The following XKR6 variants were observed in gnomAD, a reference collection of about 807,000 sequenced individuals.
XKR6 encodes XK-related protein 6.
XKR6 carries 22 observed loss-of-function variants against 56.7 expected under a neutral mutation model. That is an observed-to-expected ratio of 0.39 (90% CI 0.28 to 0.55). XKR6 has a LOEUF of 0.55. Ranked by LOEUF, XKR6 falls within the 20% of genes least tolerant of loss-of-function variation. The pLI, the probability that XKR6 is intolerant of heterozygous loss-of-function variation, is 0.66. For synonymous variants in XKR6, 524 were observed against 387.8 expected, an observed-to-expected ratio of 1.35 and a Z score of -4.13; for missense variants, 852 against 889.0, an observed-to-expected ratio of 0.96 and a Z score of 0.53.
At chr8:11,173,788 C>T (rs1802506950) in intron 1 of XKR6, among the ~76,000 whole-genome samples, 2 of 152,126 alleles carry the variant, frequency 1.3e-5, no homozygotes, top group Admixed American at 6.6e-5. Flanking sequence ...ATGCCACTGC[C>T]GCCTCAAGAG....
intron 1 of XKR6, chr8:11,138,746 T>G (rs575683594): frequency 1.3e-5 from 2 of 152,210 alleles, no homozygotes; most frequent in African/African-American, 4.8e-5. Context: ...AGATTATGAT[T>G]CCTACAGCCA....
chr8:11,195,159 G>A, intron 1 of XKR6: 1 of 703,248 alleles, frequency 1.4e-6, no homozygotes, highest in Non-Finnish European at 2.6e-6. Flanking sequence ...AACCAGGTGA[G>A]GCAACTTCAT....
At chr8:11,088,166 A>G (rs1797954644) in intron 1 of XKR6, among the ~76,000 whole-genome samples, 1 of 152,120 alleles carries the variant, frequency 6.6e-6, no homozygotes, top group Admixed American at 6.5e-5. Flanking sequence ...ACCTTGTAAC[A>G]CTGTGATATC....
At chr8:11,004,287 C>T (rs1024852470) in intron 1 of XKR6, among the ~76,000 whole-genome samples, 10 of 152,116 alleles carry the variant, frequency 6.6e-5, no homozygotes, top group African/African-American at 2.4e-4. Context: ...GCCTGACAAA[C>T]ATGGTGAAAC....
chr8:10,923,885 C>A (rs1464974743), intron 2 of XKR6, among the ~76,000 whole-genome samples: 1 of 152,224 alleles, frequency 6.6e-6, no homozygotes. Context: ...TCAGGAACTT[C>A]TGGGCTGAGT....
In XKR6 at chr8:10,924,602, G is replaced by A. The variant is rs369107658; in HGVS notation, c.961+32C>T. On this transcript the variant is annotated intron_variant, in intron 2 of 2. Transcript: ENST00000416569. Reference sequence around the variant, plus strand: ...GTGGTCCCCAGGTGGAGGGCAGGCCGGGGTGGCGGGGCGCGGCCGGCGGGC... The same window carrying A: ...GTGGTCCCCAGGTGGAGGGCAGGCCAGGGTGGCGGGGCGCGGCCGGCGGGC... 1,859 of 1,582,738 alleles carry A rather than the reference G, an allele frequency of 1.2e-3. 30 individuals carry two copies. The South Asian group carries it at 0.016, about 13-fold the overall frequency.
chr8:11,092,661 T>C (rs571205705), intron 1 of XKR6, among the ~76,000 whole-genome samples: 3 of 152,224 alleles, frequency 2.0e-5, no homozygotes, highest in South Asian at 4.1e-4. Flanking sequence ...AAAGGCTGAG[T>C]AAAGCCCAAA....
chr8:11,016,571 G>T (rs1798628196), intron 1 of XKR6, among the ~76,000 whole-genome samples: 1 of 152,162 alleles, frequency 6.6e-6, no homozygotes. Flanking sequence ...CCCCGTCCGC[G>T]CCCCGACAGC....
At chr8:11,001,446 C>T (rs958212392) in intron 1 of XKR6, among the ~76,000 whole-genome samples, 1 of 152,214 alleles carries the variant, frequency 6.6e-6, no homozygotes, top group Non-Finnish European at 1.5e-5. Flanking sequence ...CACAGCTAGA[C>T]TCTCGAATAT....
chr8:11,165,700 A>T (rs1435336243), intron 1 of XKR6, among the ~76,000 whole-genome samples: 1 of 152,202 alleles, frequency 6.6e-6, no homozygotes, highest in African/African-American at 2.4e-5. Context: ...TCCAGTATCA[A>T]AATGATTCAT....
At chr8:11,092,260 A>G (rs6601558) in intron 1 of XKR6, among the ~76,000 whole-genome samples, 3,752 of 152,296 alleles carry the variant, frequency 0.025, 145 homozygotes, top group African/African-American at 0.084. Flanking sequence ...TTTCACTGCA[A>G]CTCATTGTGC....
intron 1 of XKR6, among the ~76,000 whole-genome samples, chr8:11,078,975 C>G (rs1416199871): frequency 6.6e-6 from 1 of 152,242 alleles, no homozygotes. Context: ...TGGGTCACCT[C>G]AGGACCACTC....
At chr8:11,029,256 C>G (rs1252536134) in intron 1 of XKR6, among the ~76,000 whole-genome samples, 2 of 152,188 alleles carry the variant, frequency 1.3e-5, no homozygotes, top group Non-Finnish European at 2.9e-5. Flanking sequence ...GTGCAAAGAT[C>G]TCCATTTCCT....
chr8:10,966,749 G>C (rs1802236370), intron 1 of XKR6, among the ~76,000 whole-genome samples: 1 of 152,052 alleles, frequency 6.6e-6, no homozygotes, highest in South Asian at 2.1e-4. Context: ...CTCTAGAATA[G>C]GGTCTCTGGG....
intron 1 of XKR6, among the ~76,000 whole-genome samples, chr8:11,081,300 T>G (rs1007575971): frequency 7.2e-5 from 11 of 152,374 alleles, no homozygotes; most frequent in Middle Eastern, 3.4e-3. Flanking sequence ...AACACTCATA[T>G]GGAATGAATC....
chr8:10,945,955 T>C (rs12679529), intron 1 of XKR6, among the ~76,000 whole-genome samples: 71,947 of 151,842 alleles, frequency 0.47, 17,989 homozygotes, highest in Non-Finnish European at 0.57. Context: ...ATATGGGGAC[T>C]ATATTTGATT....
intron 1 of XKR6, among the ~76,000 whole-genome samples, chr8:10,930,350 A>G (rs1287842329): frequency 6.6e-6 from 1 of 152,210 alleles, no homozygotes; most frequent in Non-Finnish European, 1.5e-5. Flanking sequence ...TTCTTTAAGG[A>G]AAATGGTAAA....
Position 11,187,557 on chromosome 8 carries a change from C to T in XKR6, c.764+13019G>A, listed in dbSNP as rs76821293. On this transcript the variant is annotated intron_variant, in intron 1 of 2. Transcript: ENST00000416569. ...CGAGTGGTTCTTCCCAGCATGTTAACGTTTTGAAGCTATTGAGGGCCAAGA... is the reference window on the plus strand; with the variant it reads ...CGAGTGGTTCTTCCCAGCATGTTAATGTTTTGAAGCTATTGAGGGCCAAGA... Among the ~76,000 whole-genome samples the T allele has an allele frequency of 3.2e-4, 48 of 152,140 alleles. 1 individual carries two copies. The East Asian group carries it at 8.9e-3, about 28-fold the overall frequency.
At chr8:11,194,535 T>C (rs1803761858) in intron 1 of XKR6, 1 of 152,214 alleles carries the variant, frequency 6.6e-6, no homozygotes, top group Non-Finnish European at 1.5e-5. Flanking sequence ...AGAAACTAGA[T>C]GAATAGCACA....
Sources: allele counts gnomAD v4.1 joint callset (sites outside exome capture counted in the v4.1 genomes callset), GRCh38; gene constraint gnomAD v4.1.1; transcripts MANE v1.5; gene names NCBI Gene and HGNC (gene_info 2026-07-23, HGNC 2026-07-21).